RARB: variants seen among roughly 807,000 people sequenced by gnomAD.
The protein encoded by RARB is HBV-activated protein.
RARB carries 17 observed loss-of-function variants against 51.9 expected under a neutral mutation model. That is an observed-to-expected ratio of 0.33 (90% confidence interval 0.22 to 0.49). The LOEUF is 0.49. Ranked by LOEUF, RARB falls within the 20% of genes least tolerant of loss-of-function variation. RARB has a pLI of 0.99. For missense variants in RARB, 369 were observed against 550.8 expected, an observed-to-expected ratio of 0.67 and a Z score of 3.30; for synonymous variants, 215 against 195.4, an observed-to-expected ratio of 1.10 and a Z score of -0.84.
At chr3:24,920,587 T>A (rs144713641) in intron 2 of RARB, among the ~76,000 whole-genome samples, 2 of 152,172 alleles carry the variant, frequency 1.3e-5, no homozygotes, top group African/African-American at 4.8e-5. Flanking sequence ...GAGTGTGGCA[T>A]GGCCTTGTCC....
chr3:25,094,476 G>A (rs2125318267), intron 3 of RARB, among the ~76,000 whole-genome samples: 1 of 152,132 alleles, frequency 6.6e-6, no homozygotes, highest in East Asian at 1.9e-4. Context: ...CAGCACTTTG[G>A]GAGGCCAAGG....
chr3:25,008,473 C>T (rs1195430873), intron 2 of RARB, among the ~76,000 whole-genome samples: 1 of 152,110 alleles, frequency 6.6e-6, no homozygotes, highest in Non-Finnish European at 1.5e-5. Flanking sequence ...AAAGTTCTGC[C>T]TCTGAGTAGC....
chr3:24,940,436 C>CT (rs991325906), intron 2 of RARB, among the ~76,000 whole-genome samples: 12 of 115,698 alleles, frequency 1.0e-4, no homozygotes, highest in African/African-American at 4.3e-4. Context: ...TCTATTTCCT[C>CT]TTTTTACAAC....
In RARB at chr3:25,436,244, G is replaced by C. The variant is rs999590885; in HGVS notation, c.157+7356G>C. On this transcript the variant is annotated intron_variant, in intron 1 of 7. Coordinates refer to ENST00000330688, the MANE Select transcript of RARB (RefSeq NM_000965.5). The stretch of plus-strand genomic sequence containing the variant: ...AGCTTTTTTTCCATGCTATCGGCTT[G>C]CTTTACCTTTGATTTTATATGAAAA... 2.6e-5 allele frequency among the ~76,000 whole-genome samples: 4 copies of C among 152,200 alleles called. No individual in the cohort carries two copies. The South Asian group carries it at 8.3e-4, about 32-fold the overall frequency.
intron 2 of RARB, among the ~76,000 whole-genome samples, chr3:25,486,607 C>T (rs1217541884): frequency 6.6e-6 from 1 of 152,178 alleles, no homozygotes; most frequent in Non-Finnish European, 1.5e-5. Context: ...TAAACTACAT[C>T]AGAACAATTC....
intron 3 of RARB, among the ~76,000 whole-genome samples, chr3:25,504,560 A>G (rs913580046): frequency 2.0e-5 from 3 of 152,086 alleles, no homozygotes; most frequent in African/African-American, 7.2e-5. Context: ...GTGGAAGAAA[A>G]TGTTCCTCAG....
Position 25,467,617 on chromosome 3 carries a change from C to G in RARB, c.306+6276C>G, listed in dbSNP as rs115019730. On this transcript the variant is annotated intron_variant, in intron 2 of 7. Coordinates refer to ENST00000330688, the MANE Select transcript of RARB (RefSeq NM_000965.5). ...CCCCTTGGCCAAACAAATTGCGTGA[C>G]TAAGCTTGGATTCTATGGATGAAGA... Among the ~76,000 whole-genome samples the G allele has an allele frequency of 3.0e-3, 458 of 150,242 alleles. 1 individual carries two copies. Among genetic ancestry groups the G allele is most frequent in the African/African-American group, 0.01 (414 of 40,970 alleles).
intron 3 of RARB, among the ~76,000 whole-genome samples, chr3:25,555,984 A>G (rs1193594650): frequency 2.0e-5 from 3 of 149,824 alleles, no homozygotes; most frequent in African/African-American, 7.4e-5. Context: ...AACGTTTTGT[A>G]TGTTGTTTCT....
At chr3:25,472,083 T>C (rs1351289455) in intron 2 of RARB, among the ~76,000 whole-genome samples, 1 of 152,240 alleles carries the variant, frequency 6.6e-6, no homozygotes, top group Non-Finnish European at 1.5e-5. Context: ...TTAGTGTTTC[T>C]AATGCATTTT....
chr3:25,423,476 A>T, upstream of RARB, among the ~76,000 whole-genome samples: 1 of 152,254 alleles, frequency 6.6e-6, no homozygotes, highest in Non-Finnish European at 1.5e-5. Flanking sequence ...AATATGTATC[A>T]TAAGACCATA....
At chr3:25,481,209 T>C (rs1696206881) in intron 2 of RARB, among the ~76,000 whole-genome samples, 1 of 152,188 alleles carries the variant, frequency 6.6e-6, no homozygotes, top group African/African-American at 2.4e-5. Flanking sequence ...TAAGTCAATC[T>C]CTTGCATATT....
At chr3:25,309,241 C>T (rs1489823846) in intron 5 of RARB, among the ~76,000 whole-genome samples, 8 of 147,230 alleles carry the variant, frequency 5.4e-5, no homozygotes, top group Admixed American at 2.7e-4. Flanking sequence ...CCCAGGTTCA[C>T]GCCATTCTCC....
At chr3:25,061,415 G>A (rs1030098906) in intron 3 of RARB, among the ~76,000 whole-genome samples, 1 of 151,736 alleles carries the variant, frequency 6.6e-6, no homozygotes, top group Admixed American at 6.6e-5. Context: ...GGTAAGTTCA[G>A]TTGGTATTTT....
At chr3:25,067,973 C>A (rs868327773) in intron 3 of RARB, among the ~76,000 whole-genome samples, 1 of 151,282 alleles carries the variant, frequency 6.6e-6, no homozygotes, top group East Asian at 1.9e-4. Flanking sequence ...TCTGTCTCTA[C>A]TAAAAATAAA....
chr3:25,432,243 T>G (rs1708239731), intron 1 of RARB, among the ~76,000 whole-genome samples: 1 of 152,156 alleles, frequency 6.6e-6, no homozygotes, highest in Non-Finnish European at 1.5e-5. Flanking sequence ...TTGGATAAAT[T>G]GGTACATTTG....
intron 1 of RARB, among the ~76,000 whole-genome samples, chr3:24,846,550 C>CA (rs1702487931): frequency 6.6e-6 from 1 of 152,148 alleles, no homozygotes; most frequent in Non-Finnish European, 1.5e-5. Flanking sequence ...TGGCAGGAAT[C>CA]AAACTTTCCT....
chr3:25,432,554 C>T (rs571978536), intron 1 of RARB, among the ~76,000 whole-genome samples: 6 of 152,208 alleles, frequency 3.9e-5, no homozygotes, highest in African/African-American at 1.2e-4. Context: ...AGAAGCCTGG[C>T]GCTGATATAT....
At chr3:25,377,352 G>C (rs1433359263) in intron 5 of RARB, among the ~76,000 whole-genome samples, 1 of 152,202 alleles carries the variant, frequency 6.6e-6, no homozygotes, top group African/African-American at 2.4e-5. Flanking sequence ...TTACAAGGCA[G>C]ACAGAGGAAG....
At chr3:24,953,009 C>T (rs1229163646) in intron 2 of RARB, among the ~76,000 whole-genome samples, 1 of 152,078 alleles carries the variant, frequency 6.6e-6, no homozygotes, top group African/African-American at 2.4e-5. Context: ...TGAAACTACT[C>T]ATTGTGGCCA....
Sources: gnomAD v4.1 joint callset for allele counts (sites outside exome capture counted in the v4.1 genomes callset) on GRCh38, gnomAD v4.1.1 for gene constraint, MANE v1.5 for transcripts, NCBI Gene and HGNC (gene_info 2026-07-23, HGNC 2026-07-21) for gene names.